The following ZNF624 variants were observed in gnomAD, a reference collection of about 807,000 sequenced individuals.
ZNF624 encodes zinc finger protein 624.
In ZNF624, 43 loss-of-function variants were observed where a neutral mutation model predicts 74.7. The observed-to-expected ratio is 0.58, with a 90% CI of 0.45 to 0.74. The LOEUF is 0.74. Among genes scored for constraint, ZNF624 ranks in the 30% least tolerant of loss-of-function variants. ZNF624 has a pLI of 0.00. For synonymous variants in ZNF624, 331 were observed against 341.3 expected (o/e 0.97, Z 0.33); for missense variants, 820 against 1,030.0 (o/e 0.80, Z 2.79).
intron 5 of ZNF624, among the ~76,000 whole-genome samples, chr17:16,630,927 T>TA (rs1428406067): frequency 6.6e-6 from 1 of 151,852 alleles, no homozygotes; most frequent in African/African-American, 2.4e-5. Flanking sequence ...GCTGTAAGTA[T>TA]ACAGATTTTA....
At chr17:16,642,753 T>C (rs1468530959) in intron 3 of ZNF624, among the ~76,000 whole-genome samples, 1 of 152,172 alleles carries the variant, frequency 6.6e-6, no homozygotes, top group Non-Finnish European at 1.5e-5. Context: ...TAAGAAAATA[T>C]TTACAAACCA....
Position 16,622,581 on chromosome 17 carries a change from C to G in ZNF624, c.2305G>C (p.Val769Leu). The G allele has an allele frequency of 1.2e-6, 2 of 1,614,022 alleles. No homozygotes were observed. Among genetic ancestry groups the G allele is most frequent in the Non-Finnish European group, 1.7e-6 (2 of 1,179,952 alleles). Residue 769 changes from valine to leucine, a missense_variant, in exon 6 of 6, where the codon GTG becomes CTG. Transcript: ENST00000311331. ...TCTCCAGTGTGTGTTCTCCAATGCA[C>G]TGTAAGGTAAGAACCCCTCCTGAAG... ...KAFRRGSYLTVHWRTHTGEKP... is the reference protein window; with the variant it reads ...KAFRRGSYLTLHWRTHTGEKP...
chr17:16,649,028 A>G (rs992885029), intron 2 of ZNF624, among the ~76,000 whole-genome samples: 2 of 152,178 alleles, frequency 1.3e-5, no homozygotes, highest in Non-Finnish European at 1.5e-5. Flanking sequence ...CCACACTATC[A>G]TCCCATTTCT....
chr17:16,616,211 A>G (rs1228029277), downstream of ZNF624, among the ~76,000 whole-genome samples: 4 of 151,398 alleles, frequency 2.6e-5, no homozygotes, highest in Non-Finnish European at 5.9e-5. Context: ...GGCAAATTTG[A>G]TTAACAGCAC....
intron 3 of ZNF624, among the ~76,000 whole-genome samples, chr17:16,646,691 T>A (rs1029755357): frequency 6.6e-6 from 1 of 152,200 alleles, no homozygotes; most frequent in African/African-American, 2.4e-5. Flanking sequence ...GCAAAAATAA[T>A]TGCAATGTTT....
chr17:16,634,597 GATCA>G (rs752362487), intron 4 of ZNF624, 29 bp downstream of exon 4: 1 of 1,598,598 alleles, frequency 6.3e-7, no homozygotes, highest in African/African-American at 1.3e-5. Context: ...CAAATGGGCA[GATCA>G]ATCAACACAG....
intron 4 of ZNF624, 84 bp downstream of exon 4, chr17:16,634,546 G>A (rs1909280701): frequency 1.4e-5 from 21 of 1,455,854 alleles, no homozygotes; most frequent in Non-Finnish European, 1.9e-5. Context: ...AAGTACTTCA[G>A]TTAAGTACTT....
chr17:16,619,155 AATG>A (rs1908851043), downstream of ZNF624, among the ~76,000 whole-genome samples: 1 of 152,158 alleles, frequency 6.6e-6, no homozygotes, highest in Non-Finnish European at 1.5e-5. Flanking sequence ...CTTTTCAATA[AATG>A]ATGTTGAACA....
intron 3 of ZNF624, among the ~76,000 whole-genome samples, chr17:16,641,277 T>TTCTC (rs934197341): frequency 6.6e-6 from 1 of 151,538 alleles, no homozygotes; most frequent in Non-Finnish European, 1.5e-5. Flanking sequence ...TTTTCTTTCT[T>TTCTC]TCTCTCTCTC....
At position 16,622,330 on chromosome 17, in the gene ZNF624, A is replaced by G. The variant is rs1459879778; in HGVS notation, c.2556T>C (p.Thr852=). ...GKAFRSSSSL[T]VHQRIHQRET... ...CTCTTTGATGTATTCTTTGATGTAC[A>G]GTAAGGCTCGAACTACTCCTGAAGG... The change falls in exon 6 of 6, where the codon ACT becomes ACC. Residue 852 remains threonine (T), a synonymous_variant. Coordinates refer to ENST00000311331, the MANE Select transcript of ZNF624 (RefSeq NM_020787.4). The G allele has an allele frequency of 6.2e-7, 1 of 1,603,636 alleles. No homozygotes were observed. Among genetic ancestry groups the G allele is most frequent in the East Asian group, 2.2e-5 (1 of 44,848 alleles).
downstream of ZNF624, chr17:16,616,825 G>A: frequency 9.7e-7 from 1 of 1,033,264 alleles, no homozygotes; most frequent in South Asian, 1.6e-5. Context: ...ATAATAGTGT[G>A]CAGACAACAA....
chr17:16,617,530 G>A (rs1908814325), downstream of ZNF624: 1 of 1,583,684 alleles, frequency 6.3e-7, no homozygotes, highest in Non-Finnish European at 8.7e-7. Flanking sequence ...GCACAGACTA[G>A]AAAGATTTTC....
At position 16,623,059 on chromosome 17, in the gene ZNF624, C is replaced by A; in HGVS notation, c.1827G>T (p.Glu609Asp). Residue 609 changes from glutamate to aspartate, a missense_variant, in exon 6 of 6, where the codon GAG becomes GAT. Transcript: ENST00000311331. The surrounding 1 kb of genome is among the most constrained non-coding windows in gnomAD (Gnocchi z 5.3). ...LTVHQRIHTG[E>D]KPYKCTDCER... ...CGCAGTCAGTACATTTATATGGTTT[C>A]TCTCCAGTGTGAATTCTCTGATGTA... 2 of 1,613,974 alleles carry A rather than the reference C, an allele frequency of 1.2e-6. No individual in the cohort carries two copies. The highest frequency in any genetic ancestry group is 1.1e-5 in the South Asian group (1 of 91,062).
At chr17:16,637,001 T>C (rs983440793) in intron 3 of ZNF624, among the ~76,000 whole-genome samples, 4 of 152,132 alleles carry the variant, frequency 2.6e-5, no homozygotes, top group South Asian at 2.1e-4. Flanking sequence ...AGAACCAACA[T>C]AGTGTTGGAA....
intron 3 of ZNF624, among the ~76,000 whole-genome samples, chr17:16,641,534 T>C (rs1248721460): frequency 2.0e-5 from 3 of 152,234 alleles, no homozygotes; most frequent in Admixed American, 2.0e-4. Flanking sequence ...TCCACCCACC[T>C]CAGCCTCCTA....
intron 5 of ZNF624, 49 bp from the exon 6 acceptor site, chr17:16,624,558 CA>C: frequency 6.8e-7 from 1 of 1,464,224 alleles, no homozygotes; most frequent in Non-Finnish European, 9.2e-7. Context: ...TAAGCTGGGG[CA>C]ATCTCACTAA....
At chr17:16,645,298 C>A (rs896338318) in intron 3 of ZNF624, among the ~76,000 whole-genome samples, 8 of 152,070 alleles carry the variant, frequency 5.3e-5, no homozygotes, top group African/African-American at 1.9e-4. Context: ...ATTAGCCGGA[C>A]ATGGTGGTGG....
intron 3 of ZNF624, among the ~76,000 whole-genome samples, chr17:16,637,119 C>G (rs1256048426): frequency 6.6e-6 from 1 of 152,118 alleles, no homozygotes; most frequent in Admixed American, 6.5e-5. Flanking sequence ...CTCACATTCA[C>G]AATTGTTTCA....
chr17:16,634,556 T>G, intron 4 of ZNF624, 74 bp downstream of exon 4: 1 of 1,531,026 alleles, frequency 6.5e-7, no homozygotes, highest in Non-Finnish European at 8.8e-7. Flanking sequence ...GTTAAGTACT[T>G]TAGAGGCCCT....
Sources: gnomAD v4.1 joint callset for allele counts (sites outside exome capture counted in the v4.1 genomes callset) on GRCh38, gnomAD v4.1.1 for gene constraint, Gnocchi (gnomAD v3.1) non-coding constraint, MANE v1.5 for transcripts, NCBI Gene and HGNC (gene_info 2026-07-23, HGNC 2026-07-21) for gene names.